NCAM2: variants seen among roughly 807,000 people sequenced by gnomAD.
The protein encoded by NCAM2 is neural cell adhesion molecule 2, also known as N-CAM-2.
NCAM2 carries 30 observed loss-of-function variants against 98.1 expected under a neutral mutation model. That is an observed-to-expected ratio of 0.31 (90% CI 0.23 to 0.41). NCAM2 has a LOEUF of 0.41. Among genes scored for constraint, NCAM2 ranks in the 10% least tolerant of loss-of-function variants. NCAM2 has a pLI of 1.00. For missense variants in NCAM2, 867 were observed against 1,005.8 expected (o/e 0.86, Z 1.87); for synonymous variants, 368 against 342.4 (o/e 1.07, Z -0.83).
chr21:21,526,887 T>C (rs1989353147), intron 16 of NCAM2, among the ~76,000 whole-genome samples: 1 of 152,122 alleles, frequency 6.6e-6, no homozygotes, highest in South Asian at 2.1e-4. Flanking sequence ...AAAGATGTTA[T>C]TTTCAACAAA....
Position 21,066,413 on chromosome 21 carries a change from CAT to C in NCAM2, c.55+67799_55+67800del, listed in dbSNP as rs140601622. ...TGACTCTAAATGCAGTTTTTTATAACATATACACACACACACACAGATATACA... is the reference window on the plus strand; with the variant it reads ...TGACTCTAAATGCAGTTTTTTATAACATACACACACACACACAGATATACA... On this transcript the variant is annotated intron_variant, in intron 1 of 17. Transcript: ENST00000400546. 4.6e-3 allele frequency among the ~76,000 whole-genome samples: 698 copies of C among 150,430 alleles called. 6 individuals carry two copies. Among genetic ancestry groups the C allele is most frequent in the East Asian group, 0.035 (174 of 5,026 alleles).
intron 9 of NCAM2, among the ~76,000 whole-genome samples, chr21:21,385,214 G>A (rs184812591): frequency 2.6e-3 from 388 of 152,018 alleles, no homozygotes; most frequent in African/African-American, 8.8e-3. Context: ...ATTCATAATA[G>A]TAATAAAACT....
rs779240507 is a variant in NCAM2, at chr21:21,233,395, G to T, written c.56-47183G>T. Among the ~76,000 whole-genome samples the T allele has an allele frequency of 1.6e-4, 25 of 151,552 alleles. 1 individual carries two copies. Among genetic ancestry groups the T allele is most frequent in the Middle Eastern group, 3.4e-3 (1 of 294 alleles). On this transcript the variant is annotated intron_variant, in intron 1 of 17. Transcript: ENST00000400546. ...TTACTGATGACCTCTCATAGAATAT[G>T]ATTTCATTTTTTTATTTTAATAGTC...
intron 1 of NCAM2, among the ~76,000 whole-genome samples, chr21:21,277,476 T>C (rs1319740523): frequency 2.0e-5 from 3 of 152,046 alleles, no homozygotes; most frequent in African/African-American, 7.2e-5. Context: ...TCTTTGAAGA[T>C]AGAAAGTAGG....
intron 1 of NCAM2, among the ~76,000 whole-genome samples, chr21:21,234,491 T>C (rs1167352398): frequency 6.6e-6 from 1 of 151,950 alleles, no homozygotes; most frequent in Non-Finnish European, 1.5e-5. Flanking sequence ...TAACTTAGAA[T>C]GTGTATAAAC....
chr21:21,014,694 C>G (rs913714155), intron 1 of NCAM2, among the ~76,000 whole-genome samples: 7 of 152,174 alleles, frequency 4.6e-5, no homozygotes, highest in Non-Finnish European at 7.3e-5. Context: ...CATTCTGTAG[C>G]TCAGGGATCA....
At chr21:21,043,850 C>CAAAAAAA (rs72473034) in intron 1 of NCAM2, among the ~76,000 whole-genome samples, 1 of 119,984 alleles carries the variant, frequency 8.3e-6, no homozygotes, top group Non-Finnish European at 1.7e-5. Context: ...GAGACTCCGT[C>CAAAAAAA]AAAAAAAAAA....
intron 1 of NCAM2, among the ~76,000 whole-genome samples, chr21:21,010,007 A>C (rs8132603): frequency 1.3e-5 from 2 of 151,750 alleles, no homozygotes; most frequent in Admixed American, 6.6e-5. Context: ...TGGATACCCC[A>C]GAAAATCTTT....
intron 8 of NCAM2, among the ~76,000 whole-genome samples, chr21:21,345,667 G>C (rs2075167851): frequency 1.3e-5 from 2 of 152,088 alleles, no homozygotes; most frequent in South Asian, 4.1e-4. Context: ...CCTTAAAAAG[G>C]AGATAGAGAA....
At chr21:21,069,448 G>T (rs756055918) in intron 1 of NCAM2, among the ~76,000 whole-genome samples, 5 of 152,086 alleles carry the variant, frequency 3.3e-5, no homozygotes, top group African/African-American at 1.2e-4. Context: ...AACCAAAAAG[G>T]TTTAATTATC....
chr21:21,090,925 C>A (rs1169967413), intron 1 of NCAM2, among the ~76,000 whole-genome samples: 2 of 152,156 alleles, frequency 1.3e-5, no homozygotes, highest in East Asian at 3.9e-4. Context: ...GACCACAACC[C>A]CACCCCTAAA....
At chr21:21,167,454 G>T (rs560506985) in intron 1 of NCAM2, among the ~76,000 whole-genome samples, 4 of 152,040 alleles carry the variant, frequency 2.6e-5, no homozygotes, top group East Asian at 1.9e-4. Context: ...AAAGAGCACA[G>T]TTACCTAAAG....
chr21:21,239,949 CTT>C (rs2070998833), intron 1 of NCAM2, among the ~76,000 whole-genome samples: 4 of 151,990 alleles, frequency 2.6e-5, no homozygotes, highest in Admixed American at 2.6e-4. Flanking sequence ...AAATCAATCT[CTT>C]TCTCTTTCTC....
chr21:21,130,307 TG>T (rs1316883925), intron 1 of NCAM2, among the ~76,000 whole-genome samples: 2 of 152,170 alleles, frequency 1.3e-5, no homozygotes. Context: ...CTTGTTCATC[TG>T]GGGAAATTAA....
At chr21:21,189,426 G>A (rs916438411) in intron 1 of NCAM2, among the ~76,000 whole-genome samples, 1 of 152,144 alleles carries the variant, frequency 6.6e-6, no homozygotes, top group Non-Finnish European at 1.5e-5. Context: ...ATAAGTGAAT[G>A]TTAAAATTTC....
chr21:21,157,244 C>T (rs907108015), intron 1 of NCAM2, among the ~76,000 whole-genome samples: 1 of 152,124 alleles, frequency 6.6e-6, no homozygotes, highest in Non-Finnish European at 1.5e-5. Context: ...CAATTCACTA[C>T]TTGAACCCGA....
intron 1 of NCAM2, among the ~76,000 whole-genome samples, chr21:21,090,601 T>C (rs1376590543): frequency 6.6e-6 from 1 of 152,200 alleles, no homozygotes; most frequent in Non-Finnish European, 1.5e-5. Flanking sequence ...TGTATATCTA[T>C]ACAGCAGCTA....
chr21:21,274,187 A>G (rs2147452376), intron 1 of NCAM2, among the ~76,000 whole-genome samples: 1 of 151,208 alleles, frequency 6.6e-6, no homozygotes, highest in Non-Finnish European at 1.5e-5. Flanking sequence ...AAAAAATTTT[A>G]ATCACTTAGC....
At chr21:21,536,005 C>G (rs943281018) in intron 17 of NCAM2, among the ~76,000 whole-genome samples, 2 of 152,106 alleles carry the variant, frequency 1.3e-5, no homozygotes, top group Middle Eastern at 3.2e-3. Flanking sequence ...TATCAGAACT[C>G]TAATCAGAAC....
Sources: allele counts gnomAD v4.1 joint callset (sites outside exome capture counted in the v4.1 genomes callset), GRCh38; gene constraint gnomAD v4.1.1; transcripts MANE v1.5; gene names NCBI Gene and HGNC (gene_info 2026-07-23, HGNC 2026-07-21).